TDP1: variants seen among roughly 807,000 people sequenced by gnomAD.
The protein encoded by TDP1 is tyrosyl-DNA phosphodiesterase 1.
TDP1 carries 64 observed loss-of-function variants against 81.5 expected under a neutral mutation model. The ratio of observed to expected loss-of-function variants is 0.79; its 90% CI spans 0.64 to 0.97. TDP1 has a LOEUF of 0.97. Ranked by LOEUF, TDP1 falls within the 50% of genes least tolerant of loss-of-function variation. TDP1 has a pLI of 0.00. For synonymous variants in TDP1, 256 were observed against 264.3 expected (o/e 0.97, Z 0.30); for missense variants, 723 against 743.8 (o/e 0.97, Z 0.33).
At chr14:89,993,529 T>G (rs754111811) in intron 14 of TDP1, 46 bp downstream of exon 14, 6 of 1,600,110 alleles carry the variant, frequency 3.7e-6, no homozygotes, top group Non-Finnish European at 8.5e-7. Flanking sequence ...TTTTAATGTG[T>G]TCATAATTCT....
intron 4 of TDP1, chr14:89,967,100 G>A: frequency 1.0e-6 from 1 of 985,380 alleles, no homozygotes; most frequent in Non-Finnish European, 1.2e-6. Flanking sequence ...CTGCGGACAA[G>A]TACAGATGCT....
Position 89,971,167 on chromosome 14 carries a change from C to G in TDP1, c.660-8C>G. The stretch of plus-strand genomic sequence containing the variant: ...GATGTATATTAAATACTAATGCTCT[C>G]TTTTTAGGAAGAAGCCAATCCTGCT... On this transcript the variant is annotated splice_region_variant and splice_polypyrimidine_tract_variant and intron_variant, in intron 5 of 16. Transcript: ENST00000335725. The G allele has an allele frequency of 1.9e-6, 3 of 1,612,368 alleles. No individual in the cohort carries two copies. Among genetic ancestry groups the G allele is most frequent in the East Asian group, 4.5e-5 (2 of 44,868 alleles).
At chr14:90,000,279 G>A (rs1318611659) in intron 14 of TDP1, among the ~76,000 whole-genome samples, 5 of 152,014 alleles carry the variant, frequency 3.3e-5, no homozygotes, top group Non-Finnish European at 7.4e-5. Context: ...TTAATTAATT[G>A]ATAACCAAAT....
chr14:90,027,121 C>T (rs1000407806), intron 15 of TDP1, among the ~76,000 whole-genome samples: 3 of 151,922 alleles, frequency 2.0e-5, no homozygotes, highest in Admixed American at 6.6e-5. Context: ...TCTAGCACCT[C>T]TTGTTTCCTG....
At chr14:90,018,603 G>A (rs1885595269) in intron 14 of TDP1, among the ~76,000 whole-genome samples, 1 of 152,130 alleles carries the variant, frequency 6.6e-6, no homozygotes, top group Non-Finnish European at 1.5e-5. Context: ...TAGGACTGTA[G>A]GTTCGCGTCA....
chr14:90,011,324 C>T (rs190976921), intron 14 of TDP1, among the ~76,000 whole-genome samples: 1 of 152,100 alleles, frequency 6.6e-6, no homozygotes, highest in African/African-American at 2.4e-5. Flanking sequence ...ATAAGGATAC[C>T]CAAAAATGTG....
chr14:89,958,028 C>T (rs981725450), intron 2 of TDP1, among the ~76,000 whole-genome samples: 18 of 152,156 alleles, frequency 1.2e-4, no homozygotes, highest in African/African-American at 3.6e-4. Context: ...CCTGGAGGCC[C>T]GGCTGGCTGT....
intron 15 of TDP1, among the ~76,000 whole-genome samples, chr14:90,030,155 A>G (rs1158164146): frequency 6.6e-6 from 1 of 152,234 alleles, no homozygotes; most frequent in African/African-American, 2.4e-5. Flanking sequence ...GTAACATGTG[A>G]GCAGGGAAAC....
chr14:90,039,963 C>A (rs1161587015), intron 16 of TDP1, among the ~76,000 whole-genome samples: 4 of 152,184 alleles, frequency 2.6e-5, no homozygotes, highest in Non-Finnish European at 5.9e-5. Flanking sequence ...GCCCACACCC[C>A]CTTTCCCGTT....
intron 15 of TDP1, among the ~76,000 whole-genome samples, chr14:90,021,709 T>C (rs977997346): frequency 7.9e-5 from 12 of 152,296 alleles, no homozygotes; most frequent in East Asian, 3.9e-4. Flanking sequence ...TTATAGCACA[T>C]TCCAGGTAAA....
In TDP1 at chr14:89,963,456, A is replaced by G; in HGVS notation, c.342A>G (p.Lys114=). ...AGAAAGTGGTGATCAAAAAGGAGAA[A>G]GACATCTCTGCTCCCAATGACGGCA... The part of the protein sequence containing the change: ...QAEKVVIKKE[K]DISAPNDGTA... The change falls in exon 3 of 17, where the codon AAA becomes AAG. Residue 114 remains lysine (K), a synonymous_variant. Transcript: ENST00000335725. 1 of 1,613,004 alleles carries G rather than the reference A, an allele frequency of 6.2e-7. No individual in the cohort carries two copies.
At chr14:89,980,904 A>G (rs534091130) in intron 8 of TDP1, among the ~76,000 whole-genome samples, 1 of 152,326 alleles carries the variant, frequency 6.6e-6, no homozygotes, top group South Asian at 2.1e-4. Flanking sequence ...TACACACAGT[A>G]GTCTCTTCCT....
At chr14:90,041,035 C>T (rs1207841499) in intron 16 of TDP1, among the ~76,000 whole-genome samples, 1 of 152,164 alleles carries the variant, frequency 6.6e-6, no homozygotes, top group Non-Finnish European at 1.5e-5. Flanking sequence ...AAGTTACTGG[C>T]TGAGTGGTAA....
intron 12 of TDP1, among the ~76,000 whole-genome samples, chr14:89,990,383 CCA>C (rs1378644120): frequency 1.3e-5 from 2 of 151,826 alleles, no homozygotes; most frequent in Non-Finnish European, 2.9e-5. Context: ...AACTGAAAAC[CCA>C]CATAGTGGTT....
At chr14:89,997,050 A>C (rs1164604320) in intron 14 of TDP1, among the ~76,000 whole-genome samples, 2 of 152,256 alleles carry the variant, frequency 1.3e-5, no homozygotes, top group Non-Finnish European at 2.9e-5. Context: ...TATACATATT[A>C]GTTAATTGCA....
rs941539533 is a variant in TDP1 at position 89,992,843 on chromosome 14, C to G, written c.1434-533C>G. The G allele has an allele frequency of 6.1e-6, 4 of 655,486 alleles. No homozygotes were observed. In the African/African-American group the frequency reaches 7.9e-5, roughly 13 times the overall value. 40.6% of individuals were successfully genotyped at this position (655,486 alleles called of 1,614,324 possible). ...ATATAGGTTCCCATAGAACCATAGT[C>G]TGCAATATTGGAAACTTAGAAACCA... On this transcript the variant is annotated intron_variant, in intron 13 of 16. Coordinates refer to ENST00000335725, the MANE Select transcript of TDP1 (RefSeq NM_018319.4).
chr14:89,964,996 C>T (rs1892771686), intron 3 of TDP1: 1 of 235,974 alleles, frequency 4.2e-6, no homozygotes, highest in Non-Finnish European at 8.7e-6. Context: ...TACCATGTGC[C>T]ATAATTGTAG....
At chr14:90,040,313 A>G (rs1481383005) in intron 16 of TDP1, among the ~76,000 whole-genome samples, 1 of 152,192 alleles carries the variant, frequency 6.6e-6, no homozygotes, top group East Asian at 1.9e-4. Context: ...GTAGCCTTGA[A>G]TCCCAAACTC....
Position 89,971,300 on chromosome 14 carries a change from C to T in TDP1, c.756+29C>T, listed in dbSNP as rs371086449. Reference sequence around the variant, plus strand: ...AGCCACTTACTGCCGTTGGAGAGCACGCGTAGTCTGAGTTAGAAGGAAACT... The same window carrying T: ...AGCCACTTACTGCCGTTGGAGAGCATGCGTAGTCTGAGTTAGAAGGAAACT... On this transcript the variant is annotated intron_variant, in intron 6 of 16. Coordinates refer to ENST00000335725, the MANE Select transcript of TDP1 (RefSeq NM_018319.4). 171 of 1,547,046 alleles carry T rather than the reference C, an allele frequency of 1.1e-4. 2 individuals carry two copies. The highest frequency in any genetic ancestry group is 2.3e-4 in the South Asian group (21 of 89,796).
Sources: gnomAD v4.1 joint callset for allele counts (sites outside exome capture counted in the v4.1 genomes callset) on GRCh38, gnomAD v4.1.1 for gene constraint, MANE v1.5 for transcripts, NCBI Gene and HGNC (gene_info 2026-07-23, HGNC 2026-07-21) for gene names.